The following CPAP variants were observed in gnomAD, a reference collection of about 807,000 sequenced individuals.
The protein encoded by CPAP is centrosomal P4.1-associated protein.
the CPAP span, chr13:24,906,765 C>T: frequency 4.3e-6 from 7 of 1,614,126 alleles, no homozygotes; most frequent in South Asian, 2.2e-5. Context: ...TTTTTAAGAG[C>T]GGTTTTCCGC....
chr13:24,911,878 A>G, the CPAP span: 2 of 1,585,916 alleles, frequency 1.3e-6, no homozygotes. Context: ...AACGATAGAA[A>G]TAACGTGTCA....
chr13:24,897,497 G>C, the CPAP span, among the ~76,000 whole-genome samples: 2 of 152,142 alleles, frequency 1.3e-5, no homozygotes, highest in East Asian at 1.9e-4. Flanking sequence ...GATTGTGAGA[G>C]GTCACATATG....
At chr13:24,922,246 G>A in the CPAP span, among the ~76,000 whole-genome samples, 1 of 152,170 alleles carries the variant, frequency 6.6e-6, no homozygotes, top group Non-Finnish European at 1.5e-5. Context: ...GAGGAGAGTG[G>A]ATACAAACAG....
At chr13:24,888,832 G>A in the CPAP span, among the ~76,000 whole-genome samples, 3 of 152,210 alleles carry the variant, frequency 2.0e-5, no homozygotes, top group East Asian at 5.8e-4. Context: ...AAGTCATACA[G>A]TATTGAAAGA....
the CPAP span, among the ~76,000 whole-genome samples, chr13:24,898,173 T>C: frequency 6.6e-6 from 1 of 152,180 alleles, no homozygotes; most frequent in Non-Finnish European, 1.5e-5. Flanking sequence ...TGGGATTACA[T>C]GAGTGAGCCA....
At chr13:24,925,726 C>T in the CPAP span, 1 of 152,594 alleles carries the variant, frequency 6.6e-6, no homozygotes, top group Admixed American at 6.5e-5. Flanking sequence ...AGTCGGAAGC[C>T]TCTGCATAGC....
chr13:24,916,988 C>T, the CPAP span, among the ~76,000 whole-genome samples: 3 of 152,174 alleles, frequency 2.0e-5, no homozygotes, highest in Admixed American at 6.5e-5. Context: ...CGGTAGCTCA[C>T]GCCTATAATC....
the CPAP span, among the ~76,000 whole-genome samples, chr13:24,889,570 T>C: frequency 7.0e-6 from 1 of 142,418 alleles, no homozygotes; most frequent in Admixed American, 6.9e-5. Flanking sequence ...TAGGAATCAC[T>C]GCGCGTGTGC....
chr13:24,889,292 TA>T, the CPAP span: 1 of 1,499,688 alleles, frequency 6.7e-7, no homozygotes, highest in Non-Finnish European at 9.3e-7. Context: ...AAATGTTTTA[TA>T]AAAAGATCAT....
At chr13:24,915,519 G>C in the CPAP span, among the ~76,000 whole-genome samples, 4 of 152,178 alleles carry the variant, frequency 2.6e-5, no homozygotes, top group African/African-American at 9.6e-5. Context: ...AAAGAGAGGA[G>C]GCGGCTGGGC....
At chr13:24,886,664 T>C in the CPAP span, among the ~76,000 whole-genome samples, 1 of 152,188 alleles carries the variant, frequency 6.6e-6, no homozygotes, top group African/African-American at 2.4e-5. Context: ...AAGAATGTCA[T>C]GCTTCACCCC....
the CPAP span, chr13:24,883,906 C>T: frequency 6.2e-7 from 1 of 1,611,126 alleles, no homozygotes; most frequent in South Asian, 1.1e-5. Flanking sequence ...ACCTTCTGAG[C>T]ACAGATGAAC....
the CPAP span, among the ~76,000 whole-genome samples, chr13:24,932,504 T>C: frequency 6.6e-6 from 1 of 152,212 alleles, no homozygotes. Flanking sequence ...ATGCAGAATA[T>C]ATATGTGTAT....
chr13:24,910,194 A>AT, the CPAP span: 2 of 999,762 alleles, frequency 2.0e-6, no homozygotes, highest in Non-Finnish European at 3.1e-6. Context: ...TGACAACAGT[A>AT]TTTTTTCCCT....
At chr13:24,894,779 C>G in the CPAP span, among the ~76,000 whole-genome samples, 4 of 152,038 alleles carry the variant, frequency 2.6e-5, no homozygotes, top group Non-Finnish European at 5.9e-5. Context: ...GAGGATGACA[C>G]GCCCTCGGGG....
the CPAP span, chr13:24,906,774 G>A: frequency 3.7e-5 from 59 of 1,614,016 alleles, no homozygotes; most frequent in South Asian, 1.2e-4. Context: ...GCGGTTTTCC[G>A]CTGGAGTTGC....
the CPAP span, chr13:24,906,523 C>A: frequency 1.2e-6 from 2 of 1,614,210 alleles, no homozygotes; most frequent in Non-Finnish European, 1.7e-6. Context: ...GTTTTGGACA[C>A]TCAGTTACAT....
chr13:24,912,570 AT>A, the CPAP span: 6 of 1,604,922 alleles, frequency 3.7e-6, no homozygotes, highest in South Asian at 5.5e-5. Flanking sequence ...AGTAGGCCAA[AT>A]CCTATTGTAC....
the CPAP span, among the ~76,000 whole-genome samples, chr13:24,916,027 G>A: frequency 6.6e-6 from 1 of 152,206 alleles, no homozygotes; most frequent in African/African-American, 2.4e-5. Flanking sequence ...CTTGAGTGGA[G>A]AGGATGCATG....
Sources: gnomAD v4.1 joint callset for allele counts (sites outside exome capture counted in the v4.1 genomes callset) on GRCh38, gnomAD v4.1.1 for gene constraint, MANE v1.5 for transcripts, NCBI Gene and HGNC (gene_info 2026-07-23, HGNC 2026-07-21) for gene names.